PCDH15: variants seen among roughly 807,000 people sequenced by gnomAD.
The protein encoded by PCDH15 is protocadherin-15.
A neutral mutation model predicts 178.5 loss-of-function variants in PCDH15; 129 were observed. That is an observed-to-expected ratio of 0.72 (90% CI 0.63 to 0.84). PCDH15 has a LOEUF of 0.84. PCDH15 is among the 40% of genes least tolerant of loss of function. The probability of loss-of-function intolerance (pLI) is 0.00; values close to 1 mark genes in which losing one functional copy is unlikely to be tolerated. For synonymous variants in PCDH15, 800 were observed against 732.0 expected, an observed-to-expected ratio of 1.09 and a Z score of -1.50; for missense variants, 2,230 against 2,099.9, an observed-to-expected ratio of 1.06 and a Z score of -1.21.
Position 54,156,430 on chromosome 10 carries a change from C to A in PCDH15, c.1591-3137G>T, listed in dbSNP as rs117310602. Among the ~76,000 whole-genome samples, 69 of 152,164 alleles carry A rather than the reference C, an allele frequency of 4.5e-4. 4 individuals are homozygous for A. In the East Asian group the frequency reaches 0.013, roughly 28 times the overall value. ...AAGGTGAAAGGTGCATCTTATGTGG[C>A]GGCAGACAAGAGAAGAGAGCTTGTG... is the stretch of plus-strand genomic sequence containing the variant. On this transcript the variant is annotated intron_variant, in intron 13 of 37. Transcript: ENST00000644397.
At chr10:54,155,675 CT>C (rs939699381) in intron 13 of PCDH15, among the ~76,000 whole-genome samples, 95 of 146,580 alleles carry the variant, frequency 6.5e-4, no homozygotes, top group Middle Eastern at 3.5e-3. Flanking sequence ...AACTCAAGAC[CT>C]TTTTTTTTTT....
intron 3 of PCDH15, among the ~76,000 whole-genome samples, chr10:54,831,595 G>C (rs1953228454): frequency 6.6e-6 from 1 of 152,036 alleles, no homozygotes; most frequent in Non-Finnish European, 1.5e-5. Context: ...ACAATGACTA[G>C]TTAAGAAACA....
At chr10:55,094,176 A>C (rs1842388193) in intron 2 of PCDH15, among the ~76,000 whole-genome samples, 1 of 152,196 alleles carries the variant, frequency 6.6e-6, no homozygotes, top group South Asian at 2.1e-4. Context: ...GATTAAGAAC[A>C]TGTGGCACAT....
intron 14 of PCDH15, among the ~76,000 whole-genome samples, chr10:54,136,068 G>A (rs1236239627): frequency 6.6e-6 from 1 of 152,060 alleles, no homozygotes; most frequent in Non-Finnish European, 1.5e-5. Flanking sequence ...TAATACTGTA[G>A]ATATTTTAAT....
At chr10:54,314,223 A>G (rs2061091220) in intron 8 of PCDH15, among the ~76,000 whole-genome samples, 1 of 152,024 alleles carries the variant, frequency 6.6e-6, no homozygotes, top group South Asian at 2.1e-4. Context: ...ATCAAGTATT[A>G]AATATTTGTT....
At chr10:55,099,836 C>T (rs917142054) in intron 2 of PCDH15, among the ~76,000 whole-genome samples, 1 of 152,056 alleles carries the variant, frequency 6.6e-6, no homozygotes, top group Non-Finnish European at 1.5e-5. Flanking sequence ...CAGCTTTCTT[C>T]ATTACTCATA....
At chr10:54,659,151 A>G (rs2094452728) in intron 2 of PCDH15, among the ~76,000 whole-genome samples, 1 of 152,330 alleles carries the variant, frequency 6.6e-6, no homozygotes, top group Admixed American at 6.5e-5. Flanking sequence ...AAGTCATACA[A>G]TAACAGCTGA....
intron 1 of PCDH15, among the ~76,000 whole-genome samples, chr10:55,264,298 A>G (rs537736654): frequency 1.6e-3 from 240 of 152,284 alleles, no homozygotes; most frequent in African/African-American, 5.5e-3. Context: ...ATAAATGGGC[A>G]AGACCAATTC....
chr10:53,955,256 G>C (rs2087498866), intron 23 of PCDH15, among the ~76,000 whole-genome samples: 1 of 152,120 alleles, frequency 6.6e-6, no homozygotes, highest in Non-Finnish European at 1.5e-5. Context: ...ATAGAGTGTT[G>C]AAGATGGTGA....
chr10:54,079,991 T>C (rs769782991), intron 16 of PCDH15, among the ~76,000 whole-genome samples: 87 of 152,282 alleles, frequency 5.7e-4, no homozygotes, highest in Non-Finnish European at 8.4e-4. Flanking sequence ...AAATTATGTT[T>C]TTTGTAATGT....
intron 3 of PCDH15, among the ~76,000 whole-genome samples, chr10:54,402,990 C>G (rs1029832124): frequency 1.3e-5 from 2 of 151,966 alleles, no homozygotes; most frequent in Non-Finnish European, 2.9e-5. Context: ...ATAGGCTGAA[C>G]GCTAGACATC....
At chr10:54,924,366 C>G (rs1392731363) in intron 2 of PCDH15, among the ~76,000 whole-genome samples, 2 of 137,946 alleles carry the variant, frequency 1.4e-5, no homozygotes, top group South Asian at 2.3e-4. Flanking sequence ...TAGGTAGATT[C>G]CACATCTTTG....
At chr10:54,521,911 A>C (rs2138238819) in intron 3 of PCDH15, among the ~76,000 whole-genome samples, 1 of 152,056 alleles carries the variant, frequency 6.6e-6, no homozygotes, top group Non-Finnish European at 1.5e-5. Flanking sequence ...AACACGGTGG[A>C]ACCCCATCTC....
rs58521439 is a variant in PCDH15, at chr10:55,266,074, G to A, written c.-156+53525C>T. On this transcript the variant is annotated intron_variant, in intron 1 of 5. Transcript: ENST00000458638. ...AGAAGGTTTAATACCTTTCACCAGGGTGAAACACCTCAGGGTACAATGTTG... is the reference window on the plus strand; with the variant it reads ...AGAAGGTTTAATACCTTTCACCAGGATGAAACACCTCAGGGTACAATGTTG... Among the ~76,000 whole-genome samples, 580 of 152,230 alleles carry A rather than the reference G, an allele frequency of 3.8e-3. 3 individuals are homozygous for A. The highest frequency in any genetic ancestry group is 0.014 in the African/African-American group (561 of 41,548).
intron 8 of PCDH15, among the ~76,000 whole-genome samples, chr10:54,312,269 C>G (rs941858084): frequency 2.6e-5 from 4 of 152,066 alleles, no homozygotes; most frequent in Non-Finnish European, 5.9e-5. Context: ...CAAAAACTAA[C>G]TCCAGTTTTT....
Position 55,328,913 on chromosome 10 carries a change from CATATATATATATAT to C in PCDH15, c.-155-162276_-155-162263del, listed in dbSNP as rs56104592. The stretch of plus-strand genomic sequence containing the variant: ...AGATGACTGTATATTTTCACACAAA[CATATATATATATAT>C]ATATATATATATATATATATATAAA... On this transcript the variant is annotated intron_variant, in intron 2 of 5. Coordinates refer to the PCDH15 transcript ENST00000613346. 7.9e-4 allele frequency among the ~76,000 whole-genome samples: 88 copies of C among 111,330 alleles called. 3 individuals are homozygous for C. In the East Asian group the frequency reaches 8.1e-3, roughly 10 times the overall value. 73.0% of individuals were successfully genotyped at this position (111,330 alleles called of 152,430 possible). A position where few individuals can be genotyped will look rare whatever the true frequency, so the allele number is the denominator to read the frequency against.
chr10:55,465,575 T>C (rs1441137101), intron 2 of PCDH15, among the ~76,000 whole-genome samples: 1 of 152,104 alleles, frequency 6.6e-6, no homozygotes, highest in Non-Finnish European at 1.5e-5. Flanking sequence ...AAACCACTTT[T>C]ATGGGAAGTA....
chr10:54,987,428 G>A (rs1839400095), intron 2 of PCDH15, among the ~76,000 whole-genome samples: 1 of 152,154 alleles, frequency 6.6e-6, no homozygotes, highest in African/African-American at 2.4e-5. Context: ...CTAGATCCTT[G>A]AGGAATCACC....
rs189135645 is a variant in PCDH15 at position 53,924,575 on chromosome 10, C to T, written c.3373+14240G>A. Among the ~76,000 whole-genome samples the T allele has an allele frequency of 3.5e-4, 54 of 152,324 alleles. 1 individual carries two copies. In the East Asian group the frequency reaches 7.8e-3, roughly 22 times the overall value. On this transcript the variant is annotated intron_variant, in intron 25 of 37. Coordinates refer to ENST00000644397, the MANE Select transcript of PCDH15 (RefSeq NM_001384140.1). ...GCTGAGGAGTGCGGGTGCACAGCGC[C>T]GGACTGGCGGGCAGCTCCGCCTGCG...
Sources: allele counts gnomAD v4.1 joint callset (sites outside exome capture counted in the v4.1 genomes callset), GRCh38; gene constraint gnomAD v4.1.1; transcripts MANE v1.5; gene names NCBI Gene and HGNC (gene_info 2026-07-23, HGNC 2026-07-21).